The following TCF20 variants were observed in gnomAD, a reference collection of about 807,000 sequenced individuals.
TCF20 encodes transcription factor 20.
Under a neutral mutation model 148.6 loss-of-function variants are expected in TCF20, and 3 were observed. The ratio of observed to expected loss-of-function variants is 0.02; its 90% CI spans 0.01 to 0.05. The LOEUF is 0.05. Among genes scored for constraint, TCF20 ranks in the 10% least tolerant of loss-of-function variants. The pLI, the probability that TCF20 is intolerant of heterozygous loss-of-function variation, is 1.00. For synonymous variants in TCF20, 1,049 were observed against 909.5 expected, an observed-to-expected ratio of 1.15 and a Z score of -2.76; for missense variants, 2,350 against 2,429.3, an observed-to-expected ratio of 0.97 and a Z score of 0.69.
At chr22:42,316,096 A>G (rs1927625357) in intron 1 of TCF20, among the ~76,000 whole-genome samples, 1 of 146,250 alleles carries the variant, frequency 6.8e-6, no homozygotes, top group Non-Finnish European at 1.5e-5. Context: ...TGACAGAACA[A>G]GACTCTGTCT....
chr22:42,333,652 A>G (rs1569212039), intron 1 of TCF20, among the ~76,000 whole-genome samples: 1 of 152,222 alleles, frequency 6.6e-6, no homozygotes, highest in Non-Finnish European at 1.5e-5. Context: ...CCCTCGCCAC[A>G]AAGTGGAGAG....
At chr22:42,318,407 G>T (rs528834761) in intron 1 of TCF20, among the ~76,000 whole-genome samples, 28 of 152,116 alleles carry the variant, frequency 1.8e-4, no homozygotes, top group Admixed American at 1.2e-3. Context: ...CACTTCCCTC[G>T]CGGCCTGTGA....
chr22:42,290,102 G>A lies in TCF20; in HGVS notation c.-37+53377C>T, dbSNP rs1036767536. Among the ~76,000 whole-genome samples the A allele has an allele frequency of 7.2e-5, 11 of 152,216 alleles. No homozygotes were observed. The highest frequency in any genetic ancestry group is 4.6e-4 in the Admixed American group (7 of 15,290). On this transcript the variant is annotated intron_variant, in intron 1 of 1. Coordinates refer to the TCF20 transcript ENST00000515426. The surrounding 1 kb of genome is among the most constrained non-coding windows in gnomAD (Gnocchi z 4.2). ...CCCTGCACCGCCGGCTGCTGCTTGG[G>A]GAGCGGGGGTCAGCCAGGGGGACAA... is the stretch of plus-strand genomic sequence containing the variant.
chr22:42,282,563 C>G (rs1467721461), intron 1 of TCF20, among the ~76,000 whole-genome samples: 1 of 152,248 alleles, frequency 6.6e-6, no homozygotes, highest in African/African-American at 2.4e-5. Flanking sequence ...CCATCCCAGC[C>G]TCGGTCCCAG....
chr22:42,168,389 C>T (rs970453310), intron 5 of TCF20, among the ~76,000 whole-genome samples: 1 of 152,208 alleles, frequency 6.6e-6, no homozygotes, highest in Non-Finnish European at 1.5e-5. Flanking sequence ...GGAACAGTCA[C>T]CCTGCACCCC....
chr22:42,194,455 T>C lies in TCF20; in HGVS notation c.5656-14753A>G, dbSNP rs909099325. Among the ~76,000 whole-genome samples, 11 of 152,308 alleles carry C rather than the reference T, an allele frequency of 7.2e-5. No homozygotes were observed. The South Asian group carries it at 1.5e-3, about 20-fold the overall frequency. ...GATACTATCAACAACCCCGGCCGCC[T>C]TGCACAATGTTCCTCAGGTCTCTAC... On this transcript the variant is annotated intron_variant, in intron 2 of 5. Transcript: ENST00000677622.
chr22:42,223,911 G>A (rs1050749470), intron 1 of TCF20, among the ~76,000 whole-genome samples: 6 of 152,194 alleles, frequency 3.9e-5, no homozygotes, highest in African/African-American at 1.4e-4. Flanking sequence ...TTATCTTAGT[G>A]TAATAGGACT....
chr22:42,229,014 T>A (rs1425181129), intron 1 of TCF20, among the ~76,000 whole-genome samples: 2 of 152,188 alleles, frequency 1.3e-5, no homozygotes, highest in Non-Finnish European at 2.9e-5. Flanking sequence ...TTGGTATGGC[T>A]GAACAAAAAG....
intron 1 of TCF20, among the ~76,000 whole-genome samples, chr22:42,257,844 A>T (rs1925825341): frequency 6.6e-6 from 1 of 152,182 alleles, no homozygotes; most frequent in South Asian, 2.1e-4. Context: ...CACGGAAGAG[A>T]TGAGAGTGCC....
At chr22:42,253,574 C>T (rs1379955513) in intron 1 of TCF20, among the ~76,000 whole-genome samples, 1 of 152,012 alleles carries the variant, frequency 6.6e-6, no homozygotes, top group African/African-American at 2.4e-5. Flanking sequence ...CCAAAAGCAT[C>T]AACAAAAGTT....
intron 3 of TCF20, among the ~76,000 whole-genome samples, chr22:42,178,026 G>C (rs1936548338): frequency 6.6e-6 from 1 of 152,114 alleles, no homozygotes; most frequent in Non-Finnish European, 1.5e-5. Flanking sequence ...TGAAGATTGA[G>C]TTAATAATTG....
At chr22:42,177,557 T>C (rs1210394977) in intron 3 of TCF20, among the ~76,000 whole-genome samples, 1 of 152,116 alleles carries the variant, frequency 6.6e-6, no homozygotes, top group African/African-American at 2.4e-5. Context: ...AAGCTCTGAG[T>C]CAAAACTCAA....
At chr22:42,219,472 T>C (rs1416157757) in intron 1 of TCF20, among the ~76,000 whole-genome samples, 2 of 150,666 alleles carry the variant, frequency 1.3e-5, no homozygotes, top group African/African-American at 4.9e-5. Context: ...TAATAATAAG[T>C]GCCTGAATTC....
At chr22:42,301,312 CTG>C (rs1023080921) in intron 1 of TCF20, among the ~76,000 whole-genome samples, 2 of 152,216 alleles carry the variant, frequency 1.3e-5, no homozygotes, top group African/African-American at 4.8e-5. Flanking sequence ...AGCACTTACT[CTG>C]TGCCACGCCC....
chr22:42,200,641 CAAAAAAAAAAAAAAAAAAA>C (rs34605295), intron 2 of TCF20, among the ~76,000 whole-genome samples: 1 of 96,506 alleles, frequency 1.0e-5, no homozygotes, highest in African/African-American at 4.2e-5. Flanking sequence ...GACTTCGTCT[CAAAAAAAAAAAAAAAAAAA>C]AGTCTATCAA....
intron 1 of TCF20, among the ~76,000 whole-genome samples, chr22:42,294,823 A>G (rs1219182062): frequency 2.0e-5 from 3 of 152,202 alleles, no homozygotes; most frequent in Non-Finnish European, 2.9e-5. Context: ...GTGCAGGCGG[A>G]GTGCCTGGCA....
chr22:42,307,755 C>T (rs1927460843), intron 1 of TCF20, among the ~76,000 whole-genome samples: 1 of 152,186 alleles, frequency 6.6e-6, no homozygotes, highest in Non-Finnish European at 1.5e-5. Context: ...GGCTACATGT[C>T]TGCAGGTAAG....
intron 1 of TCF20, among the ~76,000 whole-genome samples, chr22:42,222,990 T>C (rs1425994910): frequency 1.3e-5 from 2 of 151,922 alleles, no homozygotes; most frequent in Admixed American, 1.3e-4. Context: ...CCACAAAAAA[T>C]ACAAAAGAAT....
intron 1 of TCF20, among the ~76,000 whole-genome samples, chr22:42,215,799 A>G (rs938510260): frequency 6.6e-6 from 1 of 152,084 alleles, no homozygotes; most frequent in South Asian, 2.1e-4. Context: ...ATTTTATCCT[A>G]TCCACTTCTG....
Sources: allele counts gnomAD v4.1 joint callset (sites outside exome capture counted in the v4.1 genomes callset), GRCh38; gene constraint gnomAD v4.1.1; non-coding constraint Gnocchi (gnomAD v3.1); transcripts MANE v1.5; gene names NCBI Gene and HGNC (gene_info 2026-07-23, HGNC 2026-07-21).